AKAP19: variants seen among roughly 807,000 people sequenced by gnomAD.
AKAP19 encodes A-kinase anchoring protein 19.
At chr2:189,992,335 C>T in the AKAP19 span, among the ~76,000 whole-genome samples, 41 of 152,172 alleles carry the variant, frequency 2.7e-4, no homozygotes, top group East Asian at 7.3e-3. Context: ...GGATTACAGG[C>T]GTAAGCCACC....
the AKAP19 span, among the ~76,000 whole-genome samples, chr2:189,926,874 C>T: frequency 1.3e-5 from 2 of 151,872 alleles, no homozygotes; most frequent in East Asian, 3.9e-4. Flanking sequence ...TGAGCCACTG[C>T]GCCCGGCCTA....
the AKAP19 span, among the ~76,000 whole-genome samples, chr2:189,986,920 C>T: frequency 6.6e-6 from 1 of 151,880 alleles, no homozygotes; most frequent in African/African-American, 2.4e-5. Flanking sequence ...TCAAAGTAGC[C>T]GTTATTAGAA....
the AKAP19 span, among the ~76,000 whole-genome samples, chr2:190,153,655 T>C: frequency 3.9e-5 from 6 of 152,320 alleles, no homozygotes; most frequent in Admixed American, 2.6e-4. Flanking sequence ...AATATAAAAA[T>C]AATTTTCCAT....
the AKAP19 span, among the ~76,000 whole-genome samples, chr2:190,193,485 C>A: frequency 1.3e-5 from 2 of 152,104 alleles, no homozygotes; most frequent in African/African-American, 4.8e-5. Context: ...ACTGGTATTA[C>A]TTCCTCGTAA....
the AKAP19 span, among the ~76,000 whole-genome samples, chr2:189,912,496 G>A: frequency 2.3e-3 from 346 of 152,174 alleles, 2 homozygotes; most frequent in South Asian, 5.6e-3. Context: ...AGCCAAGATC[G>A]CAACACTGCA....
the AKAP19 span, among the ~76,000 whole-genome samples, chr2:190,154,604 T>A: frequency 6.6e-6 from 1 of 152,240 alleles, no homozygotes. Flanking sequence ...GCTCATACTG[T>A]TATCTTAATT....
the AKAP19 span, among the ~76,000 whole-genome samples, chr2:189,992,056 T>C: frequency 6.6e-6 from 1 of 151,482 alleles, no homozygotes; most frequent in African/African-American, 2.4e-5. Context: ...ATAGATTTTT[T>C]TTTTTTTTTT....
the AKAP19 span, among the ~76,000 whole-genome samples, chr2:190,046,280 G>GTT: frequency 4.7e-5 from 7 of 147,598 alleles, no homozygotes; most frequent in Non-Finnish European, 9.0e-5. Flanking sequence ...TCTGTGATTT[G>GTT]TTTTTTTTTT....
the AKAP19 span, among the ~76,000 whole-genome samples, chr2:189,991,493 TC>T: frequency 6.6e-6 from 1 of 152,228 alleles, no homozygotes; most frequent in Non-Finnish European, 1.5e-5. Context: ...TTTGTATATC[TC>T]TTTTGAGAAC....
the AKAP19 span, among the ~76,000 whole-genome samples, chr2:189,883,362 A>G: frequency 6.6e-6 from 1 of 152,206 alleles, no homozygotes; most frequent in African/African-American, 2.4e-5. Context: ...AAAATCTGCC[A>G]GACAAAAAAC....
At chr2:190,197,460 G>A in the AKAP19 span, among the ~76,000 whole-genome samples, 3 of 152,140 alleles carry the variant, frequency 2.0e-5, no homozygotes, top group Non-Finnish European at 4.4e-5. This position sits in a 1 kb window ranked among gnomAD's most constrained non-coding sequence, Gnocchi z 4.0. Flanking sequence ...GCACATCCCA[G>A]TACCCTTGCC....
chr2:189,999,642 A>G, the AKAP19 span, among the ~76,000 whole-genome samples: 3 of 151,368 alleles, frequency 2.0e-5, no homozygotes, highest in South Asian at 6.3e-4. Flanking sequence ...AAATGTTTTT[A>G]TTTTATTTTA....
chr2:190,039,992 A>G, the AKAP19 span, among the ~76,000 whole-genome samples: 1 of 152,226 alleles, frequency 6.6e-6, no homozygotes, highest in Non-Finnish European at 1.5e-5. Flanking sequence ...ATTTGCATGC[A>G]TGTATCTTTA....
the AKAP19 span, among the ~76,000 whole-genome samples, chr2:189,883,472 A>G: frequency 1.6e-3 from 243 of 150,424 alleles, no homozygotes; most frequent in African/African-American, 5.8e-3. Flanking sequence ...CAAGTACACA[A>G]TCGTTTCTAA....
At chr2:189,952,314 A>G in the AKAP19 span, among the ~76,000 whole-genome samples, 14 of 152,194 alleles carry the variant, frequency 9.2e-5, no homozygotes, top group Non-Finnish European at 1.6e-4. Context: ...TTCCTCCCCT[A>G]TACAAGAAAG....
the AKAP19 span, among the ~76,000 whole-genome samples, chr2:190,198,631 C>CA: frequency 0.24 from 16,817 of 70,160 alleles, 1,564 homozygotes; most frequent in East Asian, 0.33. Context: ...GACCCTGTCT[C>CA]AAAAAAAAAA....
the AKAP19 span, among the ~76,000 whole-genome samples, chr2:190,193,060 G>C: frequency 7.2e-5 from 11 of 152,052 alleles, no homozygotes; most frequent in Admixed American, 4.6e-4. Flanking sequence ...TCATGAGAAT[G>C]ACTATTGCTG....
At chr2:190,010,324 A>G in the AKAP19 span, among the ~76,000 whole-genome samples, 1 of 152,204 alleles carries the variant, frequency 6.6e-6, no homozygotes, top group South Asian at 2.1e-4. Context: ...CAATTTTCTT[A>G]CAGGAGTAGG....
chr2:190,113,191 T>C, the AKAP19 span, among the ~76,000 whole-genome samples: 1 of 152,178 alleles, frequency 6.6e-6, no homozygotes, highest in Non-Finnish European at 1.5e-5. Flanking sequence ...CCTTCCTTTT[T>C]CTCTTGGTCA....
Sources: allele counts gnomAD v4.1 joint callset (sites outside exome capture counted in the v4.1 genomes callset), GRCh38; gene constraint gnomAD v4.1.1; non-coding constraint Gnocchi (gnomAD v3.1); transcripts MANE v1.5; gene names NCBI Gene and HGNC (gene_info 2026-07-23, HGNC 2026-07-21).